Variants in ANGEL2 observed in about 807,000 individuals in gnomAD.
ANGEL2 encodes angel homolog 2, also known as RNA 2',3'-cyclic phosphatase ANGEL2.
ANGEL2 carries 41 observed loss-of-function variants against 66.0 expected under a neutral mutation model. The ratio of observed to expected loss-of-function variants is 0.62; its 90% CI spans 0.48 to 0.81. ANGEL2 has a LOEUF of 0.81. ANGEL2 is among the 30% of genes least tolerant of loss of function. ANGEL2 has a pLI of 0.00. For missense variants in ANGEL2, 561 were observed against 641.6 expected, an observed-to-expected ratio of 0.87 and a Z score of 1.36; for synonymous variants, 208 against 226.5, an observed-to-expected ratio of 0.92 and a Z score of 0.73.
chr1:213,004,232 C>T (rs1274714299), intron 5 of ANGEL2, among the ~76,000 whole-genome samples: 1 of 151,848 alleles, frequency 6.6e-6, no homozygotes, highest in Non-Finnish European at 1.5e-5. Flanking sequence ...TAAACTATTA[C>T]TCAAAACTCC....
intron 8 of ANGEL2, among the ~76,000 whole-genome samples, chr1:212,995,808 A>C (rs959449218): frequency 2.6e-5 from 4 of 152,164 alleles, no homozygotes; most frequent in African/African-American, 7.2e-5. Context: ...GGTTATTCCC[A>C]GAAGAAAGGA....
intron 2 of ANGEL2, among the ~76,000 whole-genome samples, chr1:213,009,291 C>T (rs778829675): frequency 2.0e-5 from 3 of 152,158 alleles, no homozygotes; most frequent in Admixed American, 6.5e-5. Context: ...TGTGTATTCA[C>T]CTTTGATCTT....
chr1:213,004,636 G>A (rs147713660), intron 5 of ANGEL2, among the ~76,000 whole-genome samples: 13 of 152,104 alleles, frequency 8.5e-5, no homozygotes, highest in African/African-American at 2.6e-4. Context: ...TTGGGAGGCC[G>A]AAGCAGGTGG....
rs531869465 is a variant in ANGEL2 at position 212,993,465 on chromosome 1, C to T, written c.*1576G>A. 1.5e-4 allele frequency: 23 copies of T among 152,180 alleles called. No individual in the cohort carries two copies. The South Asian group carries it at 3.5e-3, about 23-fold the overall frequency. 9.4% of individuals were successfully genotyped at this position (152,180 alleles called of 1,614,324 possible). On this transcript the variant is annotated 3_prime_UTR_variant, in exon 9 of 9. Transcript: ENST00000366962. ...AATAATTATAGCAAATGCTTTAGTA[C>T]AAAGACTTAGTCCAAGACTATTATT... is the stretch of plus-strand genomic sequence containing the variant.
chr1:213,000,446 T>A, intron 6 of ANGEL2, 63 bp from the exon 7 acceptor site: 1 of 1,385,996 alleles, frequency 7.2e-7, no homozygotes, highest in East Asian at 2.3e-5. Flanking sequence ...ATCGTCATCT[T>A]ACTCTAGAAA....
intron 7 of ANGEL2, among the ~76,000 whole-genome samples, chr1:212,999,804 A>C: frequency 6.6e-6 from 1 of 152,234 alleles, no homozygotes; most frequent in Non-Finnish European, 1.5e-5. Flanking sequence ...TCAAGAGATA[A>C]ATTAAAATGA....
chr1:213,010,754 C>T (rs1446402068), intron 2 of ANGEL2, among the ~76,000 whole-genome samples: 1 of 152,050 alleles, frequency 6.6e-6, no homozygotes, highest in Non-Finnish European at 1.5e-5. Flanking sequence ...GTTTCACTGC[C>T]ATATTAAAAT....
chr1:213,015,177 G>C, intron 1 of ANGEL2: 1 of 1,019,924 alleles, frequency 9.8e-7, no homozygotes, highest in Non-Finnish European at 1.2e-6. Context: ...CCCCTCCTGG[G>C]CGTGTGCCAC....
chr1:213,000,637 A>T, intron 6 of ANGEL2, 149 bp downstream of exon 6: 3 of 877,534 alleles, frequency 3.4e-6, no homozygotes, highest in Non-Finnish European at 4.9e-6. Flanking sequence ...AGGTAAATTT[A>T]GAGGTCTTAA....
At chr1:213,015,580 C>G (rs765923763) in intron 1 of ANGEL2, 33 bp downstream of exon 1, 1 of 1,610,308 alleles carries the variant, frequency 6.2e-7, no homozygotes, top group Non-Finnish European at 8.5e-7. Context: ...GCCCGCCCCT[C>G]TCTCCTCCCT....
At chr1:213,000,516 C>G in intron 6 of ANGEL2, 133 bp from the exon 7 acceptor site, 1 of 843,954 alleles carries the variant, frequency 1.2e-6, no homozygotes, top group Non-Finnish European at 1.8e-6. Flanking sequence ...ATTCTGGAAT[C>G]TATATATTTC....
Position 213,007,110 on chromosome 1 carries a change from A to T in ANGEL2, c.712+19T>A. On this transcript the variant is annotated intron_variant, in intron 4 of 8. Transcript: ENST00000366962. ...CCTGTCTCAAAAAAGAAAAAAAAAAAAAAAAAGTTGCATTGTACCCAGTGA... is the reference window on the plus strand; with the variant it reads ...CCTGTCTCAAAAAAGAAAAAAAAAATAAAAAAGTTGCATTGTACCCAGTGA... 1 of 1,608,186 alleles carries T rather than the reference A, an allele frequency of 6.2e-7. No individual in the cohort carries two copies. The highest frequency in any genetic ancestry group is 1.1e-5 in the South Asian group (1 of 90,668).
chr1:213,001,462 T>G (rs2076175853), intron 5 of ANGEL2: 1 of 152,918 alleles, frequency 6.5e-6, no homozygotes, highest in African/African-American at 2.4e-5. Flanking sequence ...CAGCCTTCAG[T>G]GAGTCATCAT....
chr1:213,008,303 G>A lies in ANGEL2; in HGVS notation c.549C>T (p.Asn183=). 3 of 1,614,176 alleles carry A rather than the reference G, an allele frequency of 1.9e-6. No individual in the cohort carries two copies. The highest frequency in any genetic ancestry group is 2.5e-6 in the Non-Finnish European group (3 of 1,180,004). ...NILSQDLLED[N]SHLYRHCRRP... is the part of the protein sequence containing the mutation. Reference sequence around the variant, plus strand: ...GCCGGCAATGTCTATAAAGGTGAGAGTTATCTTCCAGTAAATCTTGTGAAA... The same window carrying A: ...GCCGGCAATGTCTATAAAGGTGAGAATTATCTTCCAGTAAATCTTGTGAAA... The change falls in exon 3 of 9, where the codon AAC becomes AAT. Residue 183 remains asparagine, a synonymous_variant. Transcript: ENST00000366962.
At chr1:213,014,154 T>C (rs2076578929) in intron 1 of ANGEL2, among the ~76,000 whole-genome samples, 1 of 152,220 alleles carries the variant, frequency 6.6e-6, no homozygotes, top group Non-Finnish European at 1.5e-5. Context: ...TTAATAGGTA[T>C]GTTGCTCTCA....
rs2076618574 is a variant in ANGEL2 at position 213,015,454 on chromosome 1, T to C, written c.59+159A>G. 2.8e-6 allele frequency: 4 copies of C among 1,438,930 alleles called. No individual in the cohort carries two copies. The South Asian group carries it at 5.9e-5, about 21-fold the overall frequency. 89.1% of individuals were successfully genotyped at this position (1,438,930 alleles called of 1,614,324 possible). A position where few individuals can be genotyped will look rare whatever the true frequency, so the allele number is the denominator to read the frequency against. On this transcript the variant is annotated intron_variant, in intron 1 of 8. Coordinates refer to ENST00000366962, the MANE Select transcript of ANGEL2 (RefSeq NM_144567.5). Reference sequence around the variant, plus strand: ...GCGGGTTTACCTATCCCGCTTGGTCTCTGGAGGCTCGTCCCGGATGCACCA... The same window carrying C: ...GCGGGTTTACCTATCCCGCTTGGTCCCTGGAGGCTCGTCCCGGATGCACCA...
chr1:213,011,978 T>A (rs908368629), intron 2 of ANGEL2, among the ~76,000 whole-genome samples: 4 of 152,254 alleles, frequency 2.6e-5, no homozygotes, highest in Non-Finnish European at 5.9e-5. Flanking sequence ...TATCTCCCTA[T>A]GCTGTGGTTA....
chr1:212,996,719 A>G (rs1198514556), intron 8 of ANGEL2, among the ~76,000 whole-genome samples: 1 of 148,128 alleles, frequency 6.8e-6, no homozygotes, highest in South Asian at 2.1e-4. Context: ...ACATGACAGC[A>G]TAAGCTGTGT....
Position 212,995,065 on chromosome 1 carries a change from CA to C in ANGEL2, c.1610del (p.Leu537TrpfsTer12). 1 of 1,608,620 alleles carries C rather than the reference CA, an allele frequency of 6.2e-7. No homozygotes were observed. Among genetic ancestry groups the C allele is most frequent in the Non-Finnish European group, 8.5e-7 (1 of 1,177,344 alleles). ...GTCAGAGCTCAAGTCTGAACTTTGC[CA>C]ATAAAGGCAGATGATCTGAAGAGTT... ...ENNSSDHLPL[L>X]AKFRLEL is the part of the protein sequence containing the mutation. On this transcript the variant is annotated frameshift_variant, in exon 9 of 9. Coordinates refer to ENST00000366962, the MANE Select transcript of ANGEL2 (RefSeq NM_144567.5). LOFTEE classifies it high-confidence loss of function.
Sources: allele counts gnomAD v4.1 joint callset (sites outside exome capture counted in the v4.1 genomes callset), GRCh38; gene constraint gnomAD v4.1.1; transcripts MANE v1.5; gene names NCBI Gene and HGNC (gene_info 2026-07-23, HGNC 2026-07-21).